Variants in NCALD observed in about 807,000 individuals in gnomAD.
The protein encoded by NCALD is neurocalcin delta.
In NCALD, 10 loss-of-function variants were observed where a neutral mutation model predicts 18.6. That is an observed-to-expected ratio of 0.54 (90% CI 0.33 to 0.91). NCALD has a LOEUF of 0.91. Ranked by LOEUF, NCALD falls within the 40% of genes least tolerant of loss-of-function variation. NCALD has a pLI of 0.03. For synonymous variants in NCALD, 88 were observed against 87.4 expected, an observed-to-expected ratio of 1.01 and a Z score of -0.04; for missense variants, 184 against 247.6, an observed-to-expected ratio of 0.74 and a Z score of 1.72.
rs1043492387 is a variant in NCALD, at chr8:102,071,352, T to C, written c.-209-51063A>G. On this transcript the variant is annotated intron_variant, in intron 1 of 6. Coordinates refer to the NCALD transcript ENST00000311028. ...CATATACAATAGCAAATTAAGGCTT[T>C]AATGTCATTGTTTTCCCCTTCATCA... is the stretch of plus-strand genomic sequence containing the variant. Among the ~76,000 whole-genome samples the C allele has an allele frequency of 6.6e-5, 10 of 152,212 alleles. No homozygotes were observed. The East Asian group carries it at 1.5e-3, about 23-fold the overall frequency.
chr8:102,027,497 T>C (rs960360823), intron 1 of NCALD, among the ~76,000 whole-genome samples: 16 of 152,208 alleles, frequency 1.1e-4, no homozygotes, highest in African/African-American at 2.9e-4. Flanking sequence ...TCATTGTTTA[T>C]ATCACTATCA....
In NCALD at chr8:101,840,976, G is replaced by A. The variant is rs968357797; in HGVS notation, c.-20+46165C>T. ...ATATTAAAAAGCTTTAATTTAACACGGTGACTAAGGCCTTATTAGATTCAG... is the reference window on the plus strand; with the variant it reads ...ATATTAAAAAGCTTTAATTTAACACAGTGACTAAGGCCTTATTAGATTCAG... On this transcript the variant is annotated intron_variant, in intron 4 of 6. Coordinates refer to the NCALD transcript ENST00000311028. Among the ~76,000 whole-genome samples the A allele has an allele frequency of 3.9e-5, 6 of 152,118 alleles. No homozygotes were observed. In the East Asian group the frequency reaches 5.8e-4, roughly 15 times the overall value.
At chr8:102,076,417 G>T (rs1186773967) in intron 1 of NCALD, among the ~76,000 whole-genome samples, 3 of 152,136 alleles carry the variant, frequency 2.0e-5, no homozygotes. Context: ...ATAACAGAAA[G>T]CCTCCCTAAA....
Position 101,920,602 on chromosome 8 carries a change from T to C in NCALD, c.-156-4744A>G, listed in dbSNP as rs565559116. On this transcript the variant is annotated intron_variant, in intron 2 of 6. Coordinates refer to the NCALD transcript ENST00000311028. ...GCAACATGGATACAGCTGGAGTCCA[T>C]TATTCTAAGTGAATTAATACAGGAG... 2.2e-3 allele frequency among the ~76,000 whole-genome samples: 335 copies of C among 152,342 alleles called. 3 individuals carry two copies. The highest frequency in any genetic ancestry group is 7.2e-3 in the African/African-American group (300 of 41,578).
chr8:101,899,726 TATA>T (rs759762666), intron 3 of NCALD, among the ~76,000 whole-genome samples: 10,237 of 151,894 alleles, frequency 0.067, 711 homozygotes, highest in African/African-American at 0.17. Flanking sequence ...CTAGAATAAA[TATA>T]TGGTTATGGC....
chr8:101,736,081 C>T (rs139245761), intron 1 of NCALD, among the ~76,000 whole-genome samples: 70 of 152,302 alleles, frequency 4.6e-4, no homozygotes, highest in African/African-American at 1.5e-3. Flanking sequence ...TCAAACCAGG[C>T]AAGCCCCCGT....
chr8:101,791,491 T>C (rs1282579700), upstream of NCALD, among the ~76,000 whole-genome samples: 2 of 152,116 alleles, frequency 1.3e-5, no homozygotes, highest in Non-Finnish European at 2.9e-5. Flanking sequence ...TATCAGAGTC[T>C]ACATGGATAT....
At chr8:102,084,122 T>C (rs1369327393) in intron 1 of NCALD, among the ~76,000 whole-genome samples, 1 of 152,236 alleles carries the variant, frequency 6.6e-6, no homozygotes, top group East Asian at 1.9e-4. Flanking sequence ...ATGCCTTTTC[T>C]TTTGCCCTGG....
chr8:102,026,899 C>T (rs1286934817), intron 1 of NCALD, among the ~76,000 whole-genome samples: 1 of 152,202 alleles, frequency 6.6e-6, no homozygotes, highest in Non-Finnish European at 1.5e-5. Flanking sequence ...CTTCTGTGCA[C>T]CCAAAGGCCC....
chr8:101,893,026 C>T lies in NCALD; in HGVS notation c.-106-5799G>A, dbSNP rs1299179391. On this transcript the variant is annotated intron_variant, in intron 3 of 6. Transcript: ENST00000311028. ...AAATACAGAGAACGCCACAAAGATA[C>T]TCCTCGAGAAGAGCAACTCCAAGAC... 6.0e-5 allele frequency among the ~76,000 whole-genome samples: 9 copies of T among 149,222 alleles called. 1 individual carries two copies. Among genetic ancestry groups the T allele is most frequent in the African/African-American group, 2.0e-4 (8 of 39,086 alleles).
chr8:102,003,878 T>C (rs1327073504), intron 2 of NCALD, among the ~76,000 whole-genome samples: 1 of 152,138 alleles, frequency 6.6e-6, no homozygotes. Flanking sequence ...GGGACGTATC[T>C]CAAAATAATA....
chr8:101,834,789 C>T (rs1814339835), intron 4 of NCALD, among the ~76,000 whole-genome samples: 1 of 152,244 alleles, frequency 6.6e-6, no homozygotes, highest in African/African-American at 2.4e-5. Context: ...ACTTAAGACA[C>T]TTTATCAACC....
chr8:101,864,635 C>T (rs1314673621), intron 4 of NCALD, among the ~76,000 whole-genome samples: 3 of 143,608 alleles, frequency 2.1e-5, no homozygotes, highest in African/African-American at 7.8e-5. Flanking sequence ...CCTTTTCTTG[C>T]CCAGGCTGGA....
chr8:101,954,224 A>G (rs755065687), intron 2 of NCALD, among the ~76,000 whole-genome samples: 2 of 152,166 alleles, frequency 1.3e-5, no homozygotes, highest in African/African-American at 2.4e-5. Context: ...ATGGCAACTC[A>G]TGATGGTGAC....
intron 1 of NCALD, among the ~76,000 whole-genome samples, chr8:102,073,531 CT>C (rs57625174): frequency 0.24 from 35,092 of 146,490 alleles, 4,326 homozygotes; most frequent in African/African-American, 0.29. Flanking sequence ...ATATTTTATG[CT>C]TTTTTTTTTT....
chr8:101,762,938 C>T (rs778940830), intron 1 of NCALD, among the ~76,000 whole-genome samples: 65 of 152,136 alleles, frequency 4.3e-4, no homozygotes, highest in Non-Finnish European at 3.5e-4. Context: ...AATATCAGCA[C>T]CTCTTGCCTA....
chr8:101,816,674 AC>A (rs1285280894), intron 4 of NCALD, among the ~76,000 whole-genome samples: 2 of 152,062 alleles, frequency 1.3e-5, no homozygotes, highest in Non-Finnish European at 2.9e-5. Context: ...CAGCTAAAAA[AC>A]CCTAAGAAGC....
At chr8:101,838,295 C>T (rs771147652) in intron 4 of NCALD, among the ~76,000 whole-genome samples, 47 of 152,082 alleles carry the variant, frequency 3.1e-4, no homozygotes, top group Admixed American at 4.6e-4. Context: ...GAACTCAGCT[C>T]ACTGCAGCCT....
chr8:101,764,945 T>A (rs779977029), intron 1 of NCALD, among the ~76,000 whole-genome samples: 5 of 152,198 alleles, frequency 3.3e-5, no homozygotes, highest in African/African-American at 1.2e-4. Flanking sequence ...TTGGCTCCCA[T>A]GATAGAGTCT....
Sources: gnomAD v4.1 joint callset for allele counts (sites outside exome capture counted in the v4.1 genomes callset) on GRCh38, gnomAD v4.1.1 for gene constraint, MANE v1.5 for transcripts, NCBI Gene and HGNC (gene_info 2026-07-23, HGNC 2026-07-21) for gene names.